GSE1: variants seen among roughly 807,000 people sequenced by gnomAD.
GSE1 encodes the protein Gse1 coiled-coil protein.
In GSE1, 32 loss-of-function variants were observed where a neutral mutation model predicts 112.6. The ratio of observed to expected loss-of-function variants is 0.28; its 90% confidence interval spans 0.21 to 0.38. The LOEUF (loss-of-function observed/expected upper bound fraction) is 0.38. Among genes scored for constraint, GSE1 ranks in the 10% least tolerant of loss-of-function variants. The pLI is 1.00. For missense variants in GSE1, 2,348 were observed against 1,699.2 expected (o/e 1.38, Z -6.71); for synonymous variants, 1,115 against 735.6 (o/e 1.52, Z -8.35).
chr16:85,174,027 G>A (rs1262669727), intron 1 of GSE1, among the ~76,000 whole-genome samples: 1 of 152,208 alleles, frequency 6.6e-6, no homozygotes, highest in African/African-American at 2.4e-5. Flanking sequence ...GGTGGGTTTT[G>A]AACCTGCTTC....
At chr16:85,174,636 A>G (rs971028579) in intron 1 of GSE1, among the ~76,000 whole-genome samples, 1 of 152,174 alleles carries the variant, frequency 6.6e-6, no homozygotes, top group African/African-American at 2.4e-5. Context: ...CTCCAGTGTC[A>G]TGGGGGAGGG....
intron 2 of GSE1, among the ~76,000 whole-genome samples, chr16:85,535,275 C>T (rs1046530435): frequency 6.6e-6 from 1 of 152,360 alleles, no homozygotes; most frequent in South Asian, 2.1e-4. Flanking sequence ...CACAGTCATA[C>T]AACAAGGCAT....
intron 2 of GSE1, among the ~76,000 whole-genome samples, chr16:85,637,617 C>T (rs1468883804): frequency 1.3e-5 from 2 of 152,252 alleles, no homozygotes; most frequent in African/African-American, 4.8e-5. Context: ...CACCCTTCGC[C>T]TCTGGTGGAT....
intron 2 of GSE1, among the ~76,000 whole-genome samples, chr16:85,644,056 C>T (rs926118195): frequency 1.2e-4 from 18 of 152,128 alleles, no homozygotes; most frequent in African/African-American, 3.4e-4. Flanking sequence ...GGGCAGGCAC[C>T]GTTACTCATG....
Position 85,358,158 on chromosome 16 carries a change from C to T in GSE1, c.2464+515C>T, listed in dbSNP as rs1021096286. Among the ~76,000 whole-genome samples, 4 of 152,158 alleles carry T rather than the reference C, an allele frequency of 2.6e-5. No homozygotes were observed. The East Asian group carries it at 7.7e-4, about 29-fold the overall frequency. On this transcript the variant is annotated intron_variant, in intron 2 of 2. Transcript: ENST00000637419. ...GCGTGCTGTGGACCACACCCCCACT[C>T]CAAGGCATCCTCAGACACATCCTAA...
intron 1 of GSE1, among the ~76,000 whole-genome samples, chr16:85,183,791 G>T (rs554258552): frequency 2.0e-5 from 3 of 152,292 alleles, no homozygotes; most frequent in African/African-American, 7.2e-5. Flanking sequence ...GTGGAGACAC[G>T]TGCCAAGGTC....
intron 2 of GSE1, among the ~76,000 whole-genome samples, chr16:85,413,361 GGGA>G (rs560574870): frequency 7.6e-4 from 116 of 152,278 alleles, no homozygotes; most frequent in African/African-American, 2.6e-3. Context: ...GGGTCCAGGA[GGGA>G]GGAGCTGCCT....
Position 85,597,620 on chromosome 16 carries a change from C to G in GSE1, c.37+41257C>G, listed in dbSNP as rs185444438. Among the ~76,000 whole-genome samples the G allele has an allele frequency of 1.1e-3, 166 of 152,204 alleles. No homozygotes were observed. The Middle Eastern group carries it at 0.014, about 12-fold the overall frequency. On this transcript the variant is annotated intron_variant, in intron 1 of 2. Coordinates refer to the GSE1 transcript ENST00000635906. ...CAGTAGCTAGGACTACAGGTATGCACCGCCACACCTGGCAGATTTTTGTAT... is the reference window on the plus strand; with the variant it reads ...CAGTAGCTAGGACTACAGGTATGCAGCGCCACACCTGGCAGATTTTTGTAT...
intron 2 of GSE1, among the ~76,000 whole-genome samples, chr16:85,428,441 T>C (rs1027008631): frequency 2.0e-5 from 3 of 152,232 alleles, no homozygotes; most frequent in African/African-American, 7.2e-5. Context: ...GATTGAACCT[T>C]ACCAAGCCTC....
At chr16:85,200,288 T>C (rs1428220568) in intron 1 of GSE1, among the ~76,000 whole-genome samples, 1 of 151,978 alleles carries the variant, frequency 6.6e-6, no homozygotes, top group Non-Finnish European at 1.5e-5. Context: ...ATGTTTTTCC[T>C]ATCTCCCACG....
intron 2 of GSE1, among the ~76,000 whole-genome samples, chr16:85,642,266 A>G (rs12934363): frequency 0.11 from 17,385 of 152,318 alleles, 1,161 homozygotes; most frequent in Non-Finnish European, 0.15. Context: ...AGGCATGATC[A>G]CACTGCTGCA....
At chr16:85,285,095 A>G (rs1366564137) in intron 1 of GSE1, 2 of 152,202 alleles carry the variant, frequency 1.3e-5, no homozygotes, top group Non-Finnish European at 2.9e-5. Context: ...GATACTTACT[A>G]ATTTCAAAGG....
intron 2 of GSE1, among the ~76,000 whole-genome samples, chr16:85,427,368 G>A (rs887024993): frequency 6.6e-6 from 1 of 152,212 alleles, no homozygotes; most frequent in African/African-American, 2.4e-5. Context: ...TAGGCCGGGC[G>A]CAGGGGCTCA....
At chr16:85,414,564 C>T (rs79737345) in intron 2 of GSE1, among the ~76,000 whole-genome samples, 4,425 of 152,256 alleles carry the variant, frequency 0.029, 220 homozygotes, top group African/African-American at 0.099. Context: ...GGGCTTGTGC[C>T]CTGGGGCTTT....
rs563709852 is a variant in GSE1, at chr16:85,654,822, C to A, written c.628C>A (p.Pro210Thr). Residue 210 changes from proline (P) to threonine (T), a missense_variant, in exon 5 of 16, where the codon CCC becomes ACC. Coordinates refer to ENST00000253458, the MANE Select transcript of GSE1 (RefSeq NM_014615.5). ...CCAGCGGCCCGTGCACCACGTGGTG[C>A]CCCCCAGTACCGTGACCGAGGACTA... ...NLQRPVHHVV[P>T]PSTVTEDYLR... 5.9e-5 allele frequency: 95 copies of A among 1,610,732 alleles called. No homozygotes were observed. In the East Asian group the frequency reaches 1.8e-3, roughly 31 times the overall value.
At chr16:85,306,827 A>C (rs896377085) in intron 1 of GSE1, among the ~76,000 whole-genome samples, 1 of 152,214 alleles carries the variant, frequency 6.6e-6, no homozygotes, top group East Asian at 1.9e-4. Context: ...TAGGCTGAGC[A>C]TTTTCCGGAA....
intron 1 of GSE1, among the ~76,000 whole-genome samples, chr16:85,569,351 G>A (rs916774378): frequency 3.9e-5 from 6 of 152,230 alleles, no homozygotes; most frequent in African/African-American, 1.4e-4. Flanking sequence ...TTTAGTAGCT[G>A]AGCCCCTGGG....
intron 2 of GSE1, among the ~76,000 whole-genome samples, chr16:85,506,634 A>G (rs948708855): frequency 1.3e-5 from 2 of 151,952 alleles, no homozygotes; most frequent in African/African-American, 4.8e-5. Context: ...GTGTTTTCTT[A>G]TATGTAGAGG....
rs558238178 is a variant in GSE1, at chr16:85,562,285, G to C, written c.37+5922G>C. Among the ~76,000 whole-genome samples the C allele has an allele frequency of 9.5e-4, 144 of 152,294 alleles. 1 individual carries two copies. Among genetic ancestry groups the C allele is most frequent in the African/African-American group, 3.3e-3 (138 of 41,564 alleles). On this transcript the variant is annotated intron_variant, in intron 1 of 2. Transcript: ENST00000635906. ...GGAGGCCGCCACGGTTCCATCTGTC[G>C]GCTGGGAAAGCCAGGGGCCCTTTTG...
Sources: gnomAD v4.1 joint callset for allele counts (sites outside exome capture counted in the v4.1 genomes callset) on GRCh38, gnomAD v4.1.1 for gene constraint, MANE v1.5 for transcripts, NCBI Gene and HGNC (gene_info 2026-07-23, HGNC 2026-07-21) for gene names.